Variants in SENP1 observed in about 807,000 individuals in gnomAD.
The protein encoded by SENP1 is SUMO specific peptidase 1.
A neutral mutation model predicts 93.0 loss-of-function variants in SENP1; 21 were observed. That is an observed-to-expected ratio of 0.23 (90% CI 0.16 to 0.33). The LOEUF (loss-of-function observed/expected upper bound fraction) is 0.33, where lower values mean the gene tolerates loss of function less well. Ranked by LOEUF, SENP1 falls within the 10% of genes least tolerant of loss-of-function variation. The probability of loss-of-function intolerance (pLI) is 1.00; values close to 1 mark genes in which losing one functional copy is unlikely to be tolerated. For synonymous variants in SENP1, 256 were observed against 259.6 expected (o/e 0.99, Z 0.13); for missense variants, 591 against 758.7 (o/e 0.78, Z 2.60).
rs34422750 is a variant in SENP1, at chr12:48,093,281, T to TA, written c.220+3061_220+3062insT. Among the ~76,000 whole-genome samples the TA allele has an allele frequency of 1.1e-4, 4 of 35,022 alleles. No individual in the cohort carries two copies. The East Asian group carries it at 0.012, about 102-fold the overall frequency. The allele number at this position is 35,022 out of a possible 152,430, so 23.0% of individuals were successfully genotyped here. ...TGCCAAGGAATGAATTCAGGTGAGG[T>TA]TTTTTTTTTTTTTTTTTTTGGAAAT... On this transcript the variant is annotated intron_variant, in intron 4 of 17. Coordinates refer to ENST00000549518, the MANE Select transcript of SENP1 (RefSeq NM_001267594.2).
intron 5 of SENP1, among the ~76,000 whole-genome samples, chr12:48,086,670 A>C (rs1174737527): frequency 6.6e-6 from 1 of 152,196 alleles, no homozygotes. Flanking sequence ...TTGACAAAAT[A>C]ATGATACCAC....
At chr12:48,104,082 G>A (rs1025086240) in intron 1 of SENP1, among the ~76,000 whole-genome samples, 1 of 151,776 alleles carries the variant, frequency 6.6e-6, no homozygotes, top group African/African-American at 2.4e-5. Context: ...ATGGTGGCAG[G>A]CACCCATAAT....
At chr12:48,095,169 C>CA (rs751224674) in intron 4 of SENP1, among the ~76,000 whole-genome samples, 3 of 152,104 alleles carry the variant, frequency 2.0e-5, no homozygotes, top group Non-Finnish European at 2.9e-5. Context: ...ATCTTGCTGA[C>CA]AAAGAATCCT....
intron 4 of SENP1, among the ~76,000 whole-genome samples, chr12:48,095,021 T>C (rs989959700): frequency 2.0e-5 from 3 of 152,130 alleles, no homozygotes; most frequent in Non-Finnish European, 4.4e-5. Context: ...AATTGATTGA[T>C]TTTTCTATAC....
At chr12:48,061,759 C>T (rs148573697) in intron 13 of SENP1, among the ~76,000 whole-genome samples, 28 of 152,272 alleles carry the variant, frequency 1.8e-4, no homozygotes, top group African/African-American at 6.3e-4. Flanking sequence ...CCTAATAATA[C>T]TCCATCAGGA....
At chr12:48,081,045 C>CTGG (rs1944457257) in intron 6 of SENP1, among the ~76,000 whole-genome samples, 1 of 152,088 alleles carries the variant, frequency 6.6e-6, no homozygotes, top group Non-Finnish European at 1.5e-5. Context: ...GTCCACAGAG[C>CTGG]TGGTGGGTGA....
intron 5 of SENP1, among the ~76,000 whole-genome samples, chr12:48,085,782 C>T (rs889018584): frequency 4.7e-5 from 7 of 149,322 alleles, no homozygotes; most frequent in Non-Finnish European, 1.0e-4. Context: ...TAGGAACAGG[C>T]TTATTTTCTT....
intron 5 of SENP1, among the ~76,000 whole-genome samples, chr12:48,085,587 G>T (rs138599549): frequency 0.01 from 1,564 of 152,060 alleles, 15 homozygotes; most frequent in Non-Finnish European, 0.014. Flanking sequence ...GGTTGCTGGG[G>T]CTCTGCTGTT....
At chr12:48,047,128 A>G (rs1253442105) in intron 15 of SENP1, 66 bp from the exon 16 acceptor site, 1 of 990,572 alleles carries the variant, frequency 1.0e-6, no homozygotes, top group Non-Finnish European at 1.6e-6. Context: ...CACACTAAGA[A>G]TGGGGCTGAC....
intron 12 of SENP1, 30 bp from the exon 13 acceptor site, chr12:48,063,871 AAC>A: frequency 6.3e-7 from 1 of 1,593,160 alleles, no homozygotes; most frequent in East Asian, 2.2e-5. Context: ...CAAGACATCA[AAC>A]ACGCGTGGCT....
At chr12:48,072,621 A>AACAACC (rs1174323848) in intron 8 of SENP1, among the ~76,000 whole-genome samples, 3 of 152,176 alleles carry the variant, frequency 2.0e-5, no homozygotes, top group Non-Finnish European at 4.4e-5. Context: ...CAGTCTCAAA[A>AACAACC]ACAAACAAAA....
chr12:48,096,735 C>T (rs979764868), intron 3 of SENP1, among the ~76,000 whole-genome samples: 23 of 152,054 alleles, frequency 1.5e-4, no homozygotes, highest in Non-Finnish European at 2.6e-4. Flanking sequence ...GGATTACAGG[C>T]GTGAGCCACC....
intron 9 of SENP1, 61 bp downstream of exon 9, chr12:48,071,606 A>G: frequency 1.6e-6 from 2 of 1,218,000 alleles, no homozygotes; most frequent in Non-Finnish European, 2.4e-6. Flanking sequence ...ACAGAGCGAG[A>G]CTCCGTCTCA....
chr12:48,059,628 G>C (rs1181100775), intron 13 of SENP1, among the ~76,000 whole-genome samples: 1 of 152,018 alleles, frequency 6.6e-6, no homozygotes, highest in Non-Finnish European at 1.5e-5. Context: ...TGTATGTCTG[G>C]TCATTTCTAG....
At chr12:48,056,409 TA>T (rs1942357614) in intron 13 of SENP1, among the ~76,000 whole-genome samples, 1 of 82,558 alleles carries the variant, frequency 1.2e-5, no homozygotes, top group Non-Finnish European at 2.4e-5. Context: ...CATATATAAT[TA>T]TTTAATATAG....
intron 13 of SENP1, among the ~76,000 whole-genome samples, chr12:48,057,778 T>C (rs1253184586): frequency 1.3e-5 from 2 of 150,384 alleles, no homozygotes; most frequent in African/African-American, 2.4e-5. Context: ...TTTTTATTTT[T>C]AGTAGACAGA....
chr12:48,094,608 A>C (rs960555942), intron 4 of SENP1, among the ~76,000 whole-genome samples: 1 of 152,162 alleles, frequency 6.6e-6, no homozygotes, highest in Non-Finnish European at 1.5e-5. Context: ...TGAACCCAGG[A>C]GGCGGAGGTT....
At chr12:48,094,613 G>A (rs2137259598) in intron 4 of SENP1, among the ~76,000 whole-genome samples, 1 of 152,080 alleles carries the variant, frequency 6.6e-6, no homozygotes, top group East Asian at 1.9e-4. Context: ...CCAGGAGGCG[G>A]AGGTTGCAGT....
chr12:48,086,908 G>A (rs1048031209), intron 5 of SENP1, among the ~76,000 whole-genome samples: 7 of 152,022 alleles, frequency 4.6e-5, no homozygotes, highest in Non-Finnish European at 8.8e-5. Context: ...ACATGGTGGC[G>A]GGCACCTGTA....
Sources: allele counts gnomAD v4.1 joint callset (sites outside exome capture counted in the v4.1 genomes callset), GRCh38; gene constraint gnomAD v4.1.1; transcripts MANE v1.5; gene names NCBI Gene and HGNC (gene_info 2026-07-23, HGNC 2026-07-21).